Variants in FNDC1 observed in about 807,000 individuals in gnomAD.
The protein encoded by FNDC1 is fibronectin type III domain containing 1, also known as fibronectin type III domain-containing protein 1.
FNDC1 carries 96 observed loss-of-function variants against 168.0 expected under a neutral mutation model. The observed-to-expected ratio is 0.57, with a 90% CI of 0.48 to 0.68. The LOEUF is 0.68. Among genes scored for constraint, FNDC1 ranks in the 30% least tolerant of loss-of-function variants. The pLI is 0.00. For synonymous variants in FNDC1, 1,099 were observed against 1,025.9 expected, an observed-to-expected ratio of 1.07 and a Z score of -1.36; for missense variants, 2,587 against 2,482.1, an observed-to-expected ratio of 1.04 and a Z score of -0.90.
At chr6:159,253,376 A>G (rs547338962) in intron 17 of FNDC1, among the ~76,000 whole-genome samples, 1 of 152,304 alleles carries the variant, frequency 6.6e-6, no homozygotes, top group African/African-American at 2.4e-5. Flanking sequence ...CTGCAGAACA[A>G]CGAAGCCAAG....
chr6:159,218,851 C>T (rs1782759541), intron 5 of FNDC1, among the ~76,000 whole-genome samples: 1 of 151,916 alleles, frequency 6.6e-6, no homozygotes, highest in African/African-American at 2.4e-5. Flanking sequence ...GGCTGCAGGA[C>T]AGGGAGCTGA....
chr6:159,190,976 G>C (rs1432197191), intron 1 of FNDC1, among the ~76,000 whole-genome samples: 1 of 152,154 alleles, frequency 6.6e-6, no homozygotes, highest in Non-Finnish European at 1.5e-5. Context: ...ATTGACTCAC[G>C]GTTCTTCAGG....
In FNDC1 at chr6:159,234,076, T is replaced by A; in HGVS notation, c.3564T>A (p.Phe1188Leu). ...EDDEEEDAGF[F>L]KGGKEDLLSS... ...ACGAGGAGGAGGACGCGGGATTTTTTAAAGGCGGGAAAGAAGACCTTCTGT... is the reference window on the plus strand; with the variant it reads ...ACGAGGAGGAGGACGCGGGATTTTTAAAAGGCGGGAAAGAAGACCTTCTGT... The change falls in exon 11 of 23, where the codon TTT becomes TTA. Residue 1188 changes from phenylalanine (F) to leucine (L), a missense_variant. Phe to Leu is a conservative substitution (Grantham distance 22). Transcript: ENST00000297267. 6.2e-7 allele frequency: 1 copy of A among 1,612,152 alleles called. No individual in the cohort carries two copies. Among genetic ancestry groups the A allele is most frequent in the Non-Finnish European group, 8.5e-7 (1 of 1,179,260 alleles).
rs997245485 is a variant in FNDC1, at chr6:159,249,061, G to T, written c.4713G>T (p.Arg1571Ser). ...CAGATTATGAATTTGAGACGTCAAGGCCACCAACCACCACTGAGCCTTCGA... is the reference window on the plus strand; with the variant it reads ...CAGATTATGAATTTGAGACGTCAAGTCCACCAACCACCACTGAGCCTTCGA... ...YDEDYEFETSRPPTTTEPSTT... is the reference protein window; with the variant it reads ...YDEDYEFETSSPPTTTEPSTT... The change falls in exon 16 of 23, where the codon AGG becomes AGT. Residue 1571 changes from arginine to serine, a missense_variant. Coordinates refer to ENST00000297267, the MANE Select transcript of FNDC1 (RefSeq NM_032532.3). 6.2e-7 allele frequency: 1 copy of T among 1,601,664 alleles called. No individual in the cohort carries two copies. The highest frequency in any genetic ancestry group is 1.3e-5 in the African/African-American group (1 of 74,666).
In FNDC1 at chr6:159,197,551, A is replaced by G. The variant is rs1304550180; in HGVS notation, c.230A>G (p.Tyr77Cys). 5.0e-6 allele frequency: 8 copies of G among 1,614,002 alleles called. No individual in the cohort carries two copies. Among genetic ancestry groups the G allele is most frequent in the East Asian group, 2.2e-5 (1 of 44,886 alleles). The change falls in exon 2 of 23, where the codon TAT becomes TGT. Residue 77 changes from tyrosine (Y) to cysteine (C), a missense_variant. Tyr to Cys is a radical substitution (Grantham distance 194, BLOSUM62 -2). Transcript: ENST00000297267. ...CCTGTGGAGCATTACAACATTGCCT[A>G]TGGGAAGTCACTGAAAAGTCTTAAA... Reference protein sequence around the residue: ...SRPVEHYNIAYGKSLKSLKYI... With the variant: ...SRPVEHYNIACGKSLKSLKYI...
chr6:159,258,965 A>G (rs1008589719), intron 18 of FNDC1, among the ~76,000 whole-genome samples: 3 of 152,210 alleles, frequency 2.0e-5, no homozygotes, highest in African/African-American at 7.2e-5. Flanking sequence ...GTTATTTACA[A>G]TTGGATCTTG....
intron 12 of FNDC1, 111 bp from the exon 13 acceptor site, chr6:159,238,443 A>G: frequency 4.5e-6 from 3 of 673,644 alleles, no homozygotes; most frequent in Non-Finnish European, 7.4e-6. Flanking sequence ...TCTTCTACTC[A>G]CATTACGGTT....
In FNDC1 at chr6:159,267,920, A is replaced by G. The variant is rs376099221; in HGVS notation, c.5563A>G (p.Ile1855Val). 1.4e-4 allele frequency: 225 copies of G among 1,608,402 alleles called. No individual in the cohort carries two copies. Among genetic ancestry groups the G allele is most frequent in the Admixed American group, 7.9e-4 (47 of 59,274 alleles). Residue 1855 changes from isoleucine to valine, a missense_variant, in exon 22 of 23, where the codon ATT becomes GTT. Physicochemically the swap from Ile to Val is conservative, Grantham distance 29. Transcript: ENST00000297267. ...PQSYVEALPT[I>V]QGYYRQYRQE... The stretch of plus-strand genomic sequence containing the variant: ...GTCCTATGTAGAAGCCCTCCCTACT[A>G]TTCAAGGTAATACAAACAAATGCCT...
chr6:159,269,927 C>T (rs1447998591), intron 22 of FNDC1, among the ~76,000 whole-genome samples: 1 of 152,198 alleles, frequency 6.6e-6, no homozygotes, highest in Non-Finnish European at 1.5e-5. Context: ...CTGTGGCTCA[C>T]ACCTGTAATC....
At chr6:159,193,147 GT>G (rs1002477681) in intron 1 of FNDC1, among the ~76,000 whole-genome samples, 9 of 150,606 alleles carry the variant, frequency 6.0e-5, no homozygotes, top group East Asian at 1.9e-4. Flanking sequence ...CCTACATAGT[GT>G]TTTTTTTTAA....
intron 2 of FNDC1, among the ~76,000 whole-genome samples, chr6:159,198,790 T>C (rs1439925038): frequency 6.6e-6 from 1 of 152,244 alleles, no homozygotes; most frequent in Non-Finnish European, 1.5e-5. Context: ...TTAAATTTCT[T>C]TGAAATACAA....
intron 21 of FNDC1, 121 bp downstream of exon 21, chr6:159,266,366 C>G: frequency 9.5e-7 from 1 of 1,051,534 alleles, no homozygotes; most frequent in Non-Finnish European, 1.4e-6. Context: ...CTATGGCTCA[C>G]TCTGCCTCTA....
intron 1 of FNDC1, among the ~76,000 whole-genome samples, chr6:159,173,037 GT>G (rs1207235499): frequency 6.6e-6 from 1 of 152,120 alleles, no homozygotes; most frequent in Non-Finnish European, 1.5e-5. Context: ...GTTTATTATT[GT>G]TTTTTAAAAT....
At chr6:159,254,335 T>C (rs909177242) in intron 17 of FNDC1, among the ~76,000 whole-genome samples, 4 of 152,126 alleles carry the variant, frequency 2.6e-5, no homozygotes, top group Middle Eastern at 3.2e-3. Flanking sequence ...GTCTCAACCA[T>C]GCACATGGTT....
At chr6:159,199,138 C>T (rs1374777850) in intron 2 of FNDC1, among the ~76,000 whole-genome samples, 2 of 152,246 alleles carry the variant, frequency 1.3e-5, no homozygotes, top group Admixed American at 1.3e-4. Context: ...CACAGACTTT[C>T]GTCTCTTCAA....
At chr6:159,258,576 A>G in intron 18 of FNDC1, among the ~76,000 whole-genome samples, 1 of 152,212 alleles carries the variant, frequency 6.6e-6, no homozygotes, top group East Asian at 1.9e-4. Flanking sequence ...CGGGACAGAC[A>G]GTGCCAGGGG....
In FNDC1 at chr6:159,200,084, TA is replaced by T; in HGVS notation, c.391+4del. On this transcript the variant is annotated splice_donor_region_variant and intron_variant, in intron 3 of 22. Transcript: ENST00000297267. ...TTTACAGAGCTGAAAGCCCACCTGG[TA>T]AGTCCTATCTAGAATCAGAGGCTGT... The T allele has an allele frequency of 6.3e-7, 1 of 1,589,326 alleles. No individual in the cohort carries two copies. Among genetic ancestry groups the T allele is most frequent in the Non-Finnish European group, 8.6e-7 (1 of 1,166,752 alleles).
In FNDC1 at chr6:159,249,039, A is replaced by T; in HGVS notation, c.4691A>T (p.Asp1564Val). The change falls in exon 16 of 23, where the codon GAT becomes GTT. Residue 1564 changes from aspartate to valine, a missense_variant and splice_region_variant. Transcript: ENST00000297267. ...TEEAYVIYDE[D>V]YEFETSRPPT... is the part of the protein sequence containing the mutation. ...TTACAGAGCCTTCATATCATTTCAG[A>T]TTATGAATTTGAGACGTCAAGGCCA... 6.3e-7 allele frequency: 1 copy of T among 1,594,654 alleles called. No homozygotes were observed. Among genetic ancestry groups the T allele is most frequent in the Non-Finnish European group, 8.5e-7 (1 of 1,170,356 alleles).
At chr6:159,223,210 A>T (rs535730760) in intron 6 of FNDC1, among the ~76,000 whole-genome samples, 1 of 151,932 alleles carries the variant, frequency 6.6e-6, no homozygotes, top group Non-Finnish European at 1.5e-5. Flanking sequence ...GTTAGCCAGG[A>T]TGGTCTTGAT....
Sources: allele counts gnomAD v4.1 joint callset (sites outside exome capture counted in the v4.1 genomes callset), GRCh38; gene constraint gnomAD v4.1.1; transcripts MANE v1.5; gene names NCBI Gene and HGNC (gene_info 2026-07-23, HGNC 2026-07-21).